ZNF276: variants seen among roughly 807,000 people sequenced by gnomAD.
ZNF276 encodes centromere protein Z.
A neutral mutation model predicts 63.9 loss-of-function variants in ZNF276; 59 were observed. The observed-to-expected ratio is 0.92, with a 90% CI of 0.75 to 1.15. The LOEUF (loss-of-function observed/expected upper bound fraction) is 1.15, where lower values mean the gene tolerates loss of function less well. Ranked by LOEUF, ZNF276 falls within the 50% of genes most tolerant of loss-of-function variation. The pLI is 0.00. For missense variants in ZNF276, 1,084 were observed against 843.8 expected (o/e 1.28, Z -3.53); for synonymous variants, 496 against 348.4 (o/e 1.42, Z -4.72).
Position 89,722,546 on chromosome 16 carries a change from T to C in ZNF276, c.221T>C (p.Leu74Pro). ...GADEAGAGRALAMGHCRLCHG... is the reference protein window; with the variant it reads ...GADEAGAGRAPAMGHCRLCHG... Reference sequence around the variant, plus strand: ...CTCTGTGCAGGAGCAGGCCGGGCTCTCGCCATGGGTCACTGTCGCCTCTGC... The same window carrying C: ...CTCTGTGCAGGAGCAGGCCGGGCTCCCGCCATGGGTCACTGTCGCCTCTGC... Residue 74 changes from leucine to proline, a missense_variant, in exon 2 of 11, where the codon CTC becomes CCC. Coordinates refer to ENST00000443381, the MANE Select transcript of ZNF276 (RefSeq NM_001113525.2). 2 of 1,611,708 alleles carry C rather than the reference T, an allele frequency of 1.2e-6. No individual in the cohort carries two copies. Among genetic ancestry groups the C allele is most frequent in the Non-Finnish European group, 1.7e-6 (2 of 1,179,446 alleles).
chr16:89,737,149 C>T (rs17227473), intron 9 of ZNF276, among the ~76,000 whole-genome samples: 3 of 152,122 alleles, frequency 2.0e-5, no homozygotes, highest in Admixed American at 1.3e-4. Context: ...GGACCCCTCT[C>T]ATATGGAGAT....
Position 89,723,514 on chromosome 16 carries a change from C to T in ZNF276, c.811C>T (p.Leu271=). 6.2e-7 allele frequency: 1 copy of T among 1,612,900 alleles called. No homozygotes were observed. ...WPWDKETAPR[L]PQHRGWNPGD... ...ATGGGACAAAGAGACGGCGCCACGGCTGCCCCAGCACCGAGGGTGGAACCC... is the reference window on the plus strand; with the variant it reads ...ATGGGACAAAGAGACGGCGCCACGGTTGCCCCAGCACCGAGGGTGGAACCC... Residue 271 remains leucine, a synonymous_variant, in exon 4 of 11, where the codon CTG becomes TTG. Coordinates refer to ENST00000443381, the MANE Select transcript of ZNF276 (RefSeq NM_001113525.2).
intron 5 of ZNF276, among the ~76,000 whole-genome samples, chr16:89,728,374 G>A (rs1197170871): frequency 1.8e-4 from 28 of 151,626 alleles, no homozygotes; most frequent in Admixed American, 8.5e-4. Context: ...ACAGGCGCCC[G>A]CCACCACACC....
chr16:89,726,261 A>C (rs553617337), intron 4 of ZNF276, among the ~76,000 whole-genome samples: 5 of 151,716 alleles, frequency 3.3e-5, no homozygotes, highest in Admixed American at 2.6e-4. Context: ...CAGTGGCACG[A>C]TATCAGCTCA....
chr16:89,738,015 C>T lies in ZNF276; in HGVS notation c.1614C>T (p.Ser538=). The change falls in exon 11 of 11, where the codon TCC becomes TCT. Residue 538 remains serine, a synonymous_variant. Transcript: ENST00000443381. ...GGTTCCAGTGCAGGCAGCGGGCATC[C>T]CTCAAGTACCACATGACCAAACACA... ...VCGFQCRQRA[S]LKYHMTKHKA... is the part of the protein sequence containing the mutation. 2 of 1,614,168 alleles carry T rather than the reference C, an allele frequency of 1.2e-6. No individual in the cohort carries two copies. Among genetic ancestry groups the T allele is most frequent in the Non-Finnish European group, 1.7e-6 (2 of 1,180,044 alleles).
chr16:89,723,302 TG>T lies in ZNF276; in HGVS notation c.603del (p.Trp202GlyfsTer151), dbSNP rs2061366407. On this transcript the variant is annotated frameshift_variant, in exon 4 of 11. Transcript: ENST00000443381. LOFTEE classifies it high-confidence loss of function. ...TSSPQCLHGL[V>X]GWVHGHAASC... ...AGCCCCCAGTGCCTGCACGGCTTGG[TG>T]GGGTGGGTGCATGGACATGCGGCCA... The T allele has an allele frequency of 6.2e-7, 1 of 1,612,840 alleles. No homozygotes were observed. The highest frequency in any genetic ancestry group is 1.7e-5 in the Admixed American group (1 of 59,998).
chr16:89,739,250 T>C lies in ZNF276; in HGVS notation c.*1004T>C. The stretch of plus-strand genomic sequence containing the variant: ...CCACAGCAACATGCAGGAAGGCCTC[T>C]TCCCTGATGGCCGCGTCTTCATGGA... On this transcript the variant is annotated 3_prime_UTR_variant, in exon 11 of 11. Coordinates refer to ENST00000443381, the MANE Select transcript of ZNF276 (RefSeq NM_001113525.2). 6.2e-7 allele frequency: 1 copy of C among 1,614,168 alleles called. No individual in the cohort carries two copies. The highest frequency in any genetic ancestry group is 8.5e-7 in the Non-Finnish European group (1 of 1,180,044).
chr16:89,738,386 T>C lies in ZNF276; in HGVS notation c.*140T>C. The C allele has an allele frequency of 7.1e-7, 1 of 1,402,726 alleles. No homozygotes were observed. Among genetic ancestry groups the C allele is most frequent in the Non-Finnish European group, 9.6e-7 (1 of 1,045,804 alleles). The allele number at this position is 1,402,726 out of a possible 1,614,324, so 86.9% of individuals were successfully genotyped here. ...GCTGGAGGCGGGCTTGGTGTCCGGC[T>C]CAAGTAGCCTTCCTCTGCTCTGGGA... On this transcript the variant is annotated 3_prime_UTR_variant, in exon 11 of 11. Coordinates refer to ENST00000443381, the MANE Select transcript of ZNF276 (RefSeq NM_001113525.2).
upstream of ZNF276, chr16:89,721,021 G>T: frequency 1.5e-6 from 1 of 650,416 alleles, no homozygotes; most frequent in Non-Finnish European, 2.1e-6. Flanking sequence ...CGCGTACTGC[G>T]GGCCCCACGG....
In ZNF276 at chr16:89,738,603, A is replaced by G; in HGVS notation, c.*357A>G. ...CTGGTGTGCAGTGGCAGGTCCCGTC[A>G]GAAGAGATGAGGCTCCTGGGACAGG... On this transcript the variant is annotated 3_prime_UTR_variant, in exon 11 of 11. Transcript: ENST00000443381. 1 of 1,613,136 alleles carries G rather than the reference A, an allele frequency of 6.2e-7. No homozygotes were observed. Among genetic ancestry groups the G allele is most frequent in the Non-Finnish European group, 8.5e-7 (1 of 1,180,014 alleles).
rs759442205 is a variant in ZNF276 at position 89,727,266 on chromosome 16, C to G, written c.1007-13C>G. 6.2e-7 allele frequency: 1 copy of G among 1,613,940 alleles called. No homozygotes were observed. The highest frequency in any genetic ancestry group is 8.5e-7 in the Non-Finnish European group (1 of 1,179,874). ...CCGTGTTGGTAACAGGAGCCTTGTTCTTTGTTTCTCAGGGCAGTTGGGTGA... is the reference window on the plus strand; with the variant it reads ...CCGTGTTGGTAACAGGAGCCTTGTTGTTTGTTTCTCAGGGCAGTTGGGTGA... On this transcript the variant is annotated splice_polypyrimidine_tract_variant and intron_variant, in intron 4 of 10. Coordinates refer to ENST00000443381, the MANE Select transcript of ZNF276 (RefSeq NM_001113525.2).
rs911709601 is a variant in ZNF276, at chr16:89,739,385, G to A, written c.*1139G>A. On this transcript the variant is annotated 3_prime_UTR_variant, in exon 11 of 11. Transcript: ENST00000443381. ...TGCTCATCTGTGGAGCAGAGGCACA[G>A]ACAACCCTTCCCATCTGGCGGGACC... is the stretch of plus-strand genomic sequence containing the variant. The A allele has an allele frequency of 2.5e-5, 39 of 1,583,782 alleles. No homozygotes were observed. Among genetic ancestry groups the A allele is most frequent in the Non-Finnish European group, 3.0e-5 (35 of 1,161,132 alleles).
At chr16:89,733,213 G>C (rs1450959754) in intron 6 of ZNF276, 89 bp from the exon 7 acceptor site, 2 of 1,268,060 alleles carry the variant, frequency 1.6e-6, no homozygotes, top group East Asian at 2.3e-5. Flanking sequence ...GGAAGCTTCA[G>C]AAAAGACCAT....
Position 89,739,636 on chromosome 16 carries a change from G to T in ZNF276, c.*1390G>T. On this transcript the variant is annotated 3_prime_UTR_variant, in exon 11 of 11. Coordinates refer to ENST00000443381, the MANE Select transcript of ZNF276 (RefSeq NM_001113525.2). ...TGGGGACACCCCTGGGGGTCGGGAC[G>T]TGTACCCTGGGAGGCCTGGCTGTGG... 2 of 1,513,806 alleles carry T rather than the reference G, an allele frequency of 1.3e-6. No homozygotes were observed. The highest frequency in any genetic ancestry group is 9.0e-7 in the Non-Finnish European group (1 of 1,114,368). 93.8% of individuals were successfully genotyped at this position (1,513,806 alleles called of 1,614,324 possible).
chr16:89,729,216 A>G lies in ZNF276; in HGVS notation c.1086-19A>G, dbSNP rs1050113428. ...GCCCAGGCCCAGGGCTTTGCTGAAG[A>G]TTCTCTCTTAATTCCTAGAGACGTC... On this transcript the variant is annotated intron_variant, in intron 5 of 10. Transcript: ENST00000443381. 4.3e-6 allele frequency: 7 copies of G among 1,612,186 alleles called. No homozygotes were observed. Among genetic ancestry groups the G allele is most frequent in the Non-Finnish European group, 4.2e-6 (5 of 1,178,408 alleles).
At chr16:89,721,193 C>G (rs946957582), upstream of ZNF276, 13 of 235,758 alleles carry the variant, frequency 5.5e-5, 1 homozygote, top group Middle Eastern at 4.1e-3. Context: ...CCCGGCCCCC[C>G]TCCCCTTTCT....
intron 5 of ZNF276, among the ~76,000 whole-genome samples, chr16:89,728,865 G>A (rs2061556465): frequency 6.6e-6 from 1 of 152,178 alleles, no homozygotes; most frequent in Admixed American, 6.6e-5. Flanking sequence ...GTGACTCATG[G>A]CAAACCCATC....
Position 89,740,509 on chromosome 16 carries a change from G to A in ZNF276, c.*2263G>A, listed in dbSNP as rs777947740. On this transcript the variant is annotated 3_prime_UTR_variant, in exon 11 of 11. Coordinates refer to ENST00000443381, the MANE Select transcript of ZNF276 (RefSeq NM_001113525.2). ...AATTAGCCGGGTGTGACAGACTCAC[G>A]CCTGTAATCCCAGCTACTCGGGAGG... is the stretch of plus-strand genomic sequence containing the variant. 2.9e-5 allele frequency: 14 copies of A among 489,172 alleles called. No individual in the cohort carries two copies. The highest frequency in any genetic ancestry group is 4.6e-5 in the South Asian group (2 of 43,616). The allele number at this position is 489,172 out of a possible 1,614,324, so 30.3% of individuals were successfully genotyped here.
At chr16:89,722,421 G>T in intron 1 of ZNF276, 110 bp from the exon 2 acceptor site, 2 of 1,299,872 alleles carry the variant, frequency 1.5e-6, no homozygotes, top group East Asian at 2.4e-5. Context: ...CTGTGTCCGG[G>T]AGCCGCGCGA....
Sources: gnomAD v4.1 joint callset for allele counts (sites outside exome capture counted in the v4.1 genomes callset) on GRCh38, gnomAD v4.1.1 for gene constraint, MANE v1.5 for transcripts, NCBI Gene and HGNC (gene_info 2026-07-23, HGNC 2026-07-21) for gene names.